Variants in FRA10AC1 observed in about 807,000 individuals in gnomAD.
FRA10AC1 encodes protein FRA10AC1.
A neutral mutation model predicts 56.5 loss-of-function variants in FRA10AC1; 43 were observed. The observed-to-expected ratio is 0.76, with a 90% confidence interval of 0.60 to 0.98. The LOEUF (loss-of-function observed/expected upper bound fraction) is 0.98. FRA10AC1 is among the 50% of genes least tolerant of loss of function. The pLI is 0.00. For synonymous variants in FRA10AC1, 112 were observed against 110.5 expected (o/e 1.01, Z -0.09); for missense variants, 346 against 351.8 (o/e 0.98, Z 0.13).
chr10:93,684,404 T>C (rs1396183259), intron 9 of FRA10AC1, among the ~76,000 whole-genome samples: 1 of 152,104 alleles, frequency 6.6e-6, no homozygotes, highest in Non-Finnish European at 1.5e-5. Context: ...CAAAGATATC[T>C]AATAATAATG....
rs940326168 is a variant in FRA10AC1 at position 93,702,504 on chromosome 10, A to AG, written c.-131dup. On this transcript the variant is annotated 5_prime_UTR_variant, in exon 1 of 14. Coordinates refer to ENST00000359204, the MANE Select transcript of FRA10AC1 (RefSeq NM_145246.5). ...ACAGGTCCCGTGCGCCCTGCCGCAC[A>AG]GCCTCGCCACAACCACCACCGCCGC... The AG allele has an allele frequency of 5.2e-6, 1 of 191,496 alleles. No individual in the cohort carries two copies. The highest frequency in any genetic ancestry group is 2.7e-5 in the African/African-American group (1 of 37,202). 11.9% of individuals were successfully genotyped at this position (191,496 alleles called of 1,614,324 possible).
chr10:93,691,939 T>A (rs1427809205), intron 7 of FRA10AC1, 70 bp downstream of exon 7: 1 of 1,442,028 alleles, frequency 6.9e-7, no homozygotes, highest in Admixed American at 2.3e-5. Flanking sequence ...ATGTGGGGCA[T>A]GACAGTATAA....
chr10:93,684,123 T>A, intron 9 of FRA10AC1, 25 bp from the exon 10 acceptor site: 1 of 1,576,416 alleles, frequency 6.3e-7, no homozygotes, highest in Non-Finnish European at 8.7e-7. Flanking sequence ...CACCACTGAA[T>A]GGCTGATTTT....
At chr10:93,698,453 C>T in intron 2 of FRA10AC1, 57 bp from the exon 3 acceptor site, 1 of 1,001,300 alleles carries the variant, frequency 1.0e-6, no homozygotes, top group South Asian at 1.6e-5. Context: ...TTTTCTAATT[C>T]TTTATATTTT....
intron 10 of FRA10AC1, among the ~76,000 whole-genome samples, chr10:93,683,722 A>C (rs1444808280): frequency 6.6e-6 from 1 of 152,214 alleles, no homozygotes. Flanking sequence ...CAGCTAAAAC[A>C]CTGTCTAAAT....
At chr10:93,692,421 T>G (rs2059139622) in intron 6 of FRA10AC1, among the ~76,000 whole-genome samples, 1 of 152,174 alleles carries the variant, frequency 6.6e-6, no homozygotes, top group Non-Finnish European at 1.5e-5. Flanking sequence ...CACACAATAC[T>G]GTAAAAAAGA....
intron 10 of FRA10AC1, among the ~76,000 whole-genome samples, chr10:93,683,650 C>G (rs981430291): frequency 6.6e-6 from 1 of 152,186 alleles, no homozygotes; most frequent in Non-Finnish European, 1.5e-5. Flanking sequence ...CGCGCCTGTT[C>G]TTGATTTTAA....
chr10:93,675,915 G>A (rs1353082807), intron 12 of FRA10AC1, among the ~76,000 whole-genome samples: 1 of 152,104 alleles, frequency 6.6e-6, no homozygotes, highest in Non-Finnish European at 1.5e-5. Context: ...ACAAATGGAT[G>A]TACCCTTTTA....
intron 5 of FRA10AC1, among the ~76,000 whole-genome samples, chr10:93,693,495 TATATATATATATACACC>T (rs1438816539): frequency 6.0e-5 from 4 of 66,214 alleles, no homozygotes; most frequent in African/African-American, 8.9e-5. Context: ...TATATATATA[TATATATATATATACACC>T]ATATATATAT....
chr10:93,702,565 CTACG>C lies in FRA10AC1; in HGVS notation c.-195_-192del. 1 of 233,868 alleles carries C rather than the reference CTACG, an allele frequency of 4.3e-6. No individual in the cohort carries two copies. Among genetic ancestry groups the C allele is most frequent in the Admixed American group, 5.8e-5 (1 of 17,324 alleles). The allele number at this position is 233,868 out of a possible 1,614,324, so 14.5% of individuals were successfully genotyped here. Reference sequence around the variant, plus strand: ...GCCGCCGCCCGCAACCCGCCTCTCCCTACGGGTCCCGACTGGGCACCACTTCCGG... The same window carrying C: ...GCCGCCGCCCGCAACCCGCCTCTCCCGGTCCCGACTGGGCACCACTTCCGG... On this transcript the variant is annotated 5_prime_UTR_variant, in exon 1 of 14. Transcript: ENST00000359204.
chr10:93,681,286 CTTAA>C (rs992921257), intron 11 of FRA10AC1, among the ~76,000 whole-genome samples, 190 bp downstream of exon 11: 1 of 152,100 alleles, frequency 6.6e-6, no homozygotes, highest in Non-Finnish European at 1.5e-5. Context: ...AAAATTAACC[CTTAA>C]TTAATTTAGA....
chr10:93,676,298 T>C (rs1230513186), intron 12 of FRA10AC1, among the ~76,000 whole-genome samples: 1 of 152,156 alleles, frequency 6.6e-6, no homozygotes, highest in East Asian at 1.9e-4. Flanking sequence ...CGAAATCCAA[T>C]CTGTTTTGAT....
At chr10:93,685,713 C>A (rs548557601) in intron 8 of FRA10AC1, among the ~76,000 whole-genome samples, 4 of 151,232 alleles carry the variant, frequency 2.6e-5, no homozygotes, top group East Asian at 1.9e-4. Flanking sequence ...ACAAAAAAAA[C>A]AACATACTCA....
intron 10 of FRA10AC1, 53 bp from the exon 11 acceptor site, chr10:93,681,651 A>C: frequency 7.2e-7 from 1 of 1,398,144 alleles, no homozygotes; most frequent in Admixed American, 3.0e-5. Context: ...TGACCTTTTC[A>C]AAAATAACCA....
Position 93,669,725 on chromosome 10 carries a change from C to CTGTA in FRA10AC1, c.*97_*100dup, listed in dbSNP as rs1274774846. 1.3e-6 allele frequency: 1 copy of CTGTA among 749,488 alleles called. No individual in the cohort carries two copies. Among genetic ancestry groups the CTGTA allele is most frequent in the Non-Finnish European group, 2.2e-6 (1 of 449,866 alleles). The allele number at this position is 749,488 out of a possible 1,614,324, so 46.4% of individuals were successfully genotyped here. On this transcript the variant is annotated 3_prime_UTR_variant, in exon 14 of 14. Transcript: ENST00000359204. ...TATTTCCAAAGACAAACCACACAAG[C>CTGTA]TGTAACTTGCAGATAAAAACTTATA...
Position 93,669,436 on chromosome 10 carries a change from C to G in FRA10AC1, c.*390G>C, listed in dbSNP as rs2058726999. Reference sequence around the variant, plus strand: ...AGAAAAAAATGAAAAACAAACAAATCCAGTATTGGTGGCTCTAAAAAAGAG... The same window carrying G: ...AGAAAAAAATGAAAAACAAACAAATGCAGTATTGGTGGCTCTAAAAAAGAG... On this transcript the variant is annotated 3_prime_UTR_variant, in exon 14 of 14. Transcript: ENST00000359204. 1 of 155,694 alleles carries G rather than the reference C, an allele frequency of 6.4e-6. No individual in the cohort carries two copies. The highest frequency in any genetic ancestry group is 1.4e-5 in the Non-Finnish European group (1 of 70,992). The allele number at this position is 155,694 out of a possible 1,614,324, so 9.6% of individuals were successfully genotyped here.
chr10:93,678,968 A>G (rs2058888381), intron 11 of FRA10AC1, among the ~76,000 whole-genome samples: 1 of 152,200 alleles, frequency 6.6e-6, no homozygotes, highest in Non-Finnish European at 1.5e-5. Flanking sequence ...TTACTCTTCA[A>G]GTCTGGTCCA....
At chr10:93,688,264 A>G (rs1472492948) in intron 7 of FRA10AC1, among the ~76,000 whole-genome samples, 1 of 152,188 alleles carries the variant, frequency 6.6e-6, no homozygotes, top group African/African-American at 2.4e-5. Context: ...TGAAAAGACT[A>G]CATATATATG....
intron 4 of FRA10AC1, among the ~76,000 whole-genome samples, chr10:93,697,250 A>C (rs929473046): frequency 6.6e-6 from 1 of 152,180 alleles, no homozygotes; most frequent in East Asian, 1.9e-4. Context: ...GGCAGAGCAA[A>C]TGTTTAAATG....
Sources: gnomAD v4.1 joint callset for allele counts (sites outside exome capture counted in the v4.1 genomes callset) on GRCh38, gnomAD v4.1.1 for gene constraint, MANE v1.5 for transcripts, NCBI Gene and HGNC (gene_info 2026-07-23, HGNC 2026-07-21) for gene names.